Variants in PRKCB observed in about 807,000 individuals in gnomAD.
PRKCB encodes the protein protein kinase C beta type.
In PRKCB, 13 loss-of-function variants were observed where a neutral mutation model predicts 81.5. The observed-to-expected ratio is 0.16, with a 90% CI of 0.10 to 0.25. The LOEUF is 0.25. Among genes scored for constraint, PRKCB ranks in the 10% least tolerant of loss-of-function variants. PRKCB has a pLI of 1.00. For missense variants in PRKCB, 509 were observed against 875.7 expected, an observed-to-expected ratio of 0.58 and a Z score of 5.29; for synonymous variants, 335 against 321.4, an observed-to-expected ratio of 1.04 and a Z score of -0.45.
At chr16:24,089,677 A>G (rs1966352492) in intron 5 of PRKCB, among the ~76,000 whole-genome samples, 1 of 152,024 alleles carries the variant, frequency 6.6e-6, no homozygotes, top group Non-Finnish European at 1.5e-5. Flanking sequence ...TGGAAGGCTG[A>G]GTTGGGAGGA....
At chr16:24,101,875 T>A (rs1048993680) in intron 7 of PRKCB, among the ~76,000 whole-genome samples, 1 of 152,202 alleles carries the variant, frequency 6.6e-6, no homozygotes, top group Non-Finnish European at 1.5e-5. Context: ...AAGCCCAAAA[T>A]ATTACTGCAT....
chr16:24,203,485 C>A (rs1215168103), intron 16 of PRKCB, among the ~76,000 whole-genome samples: 1 of 152,094 alleles, frequency 6.6e-6, no homozygotes, highest in African/African-American at 2.4e-5. Flanking sequence ...AAGTTCCCAC[C>A]TCTCAACACT....
intron 2 of PRKCB, among the ~76,000 whole-genome samples, chr16:23,941,597 T>G (rs900223805): frequency 1.3e-5 from 2 of 152,182 alleles, no homozygotes; most frequent in South Asian, 4.1e-4. Flanking sequence ...ACATTATGAT[T>G]TATTATTAGG....
At chr16:24,182,367 A>T (rs1246266766) in intron 13 of PRKCB, among the ~76,000 whole-genome samples, 1 of 152,198 alleles carries the variant, frequency 6.6e-6, no homozygotes, top group East Asian at 1.9e-4. Flanking sequence ...AAAAAAAATT[A>T]AAAATTCGCC....
intron 5 of PRKCB, among the ~76,000 whole-genome samples, chr16:24,085,510 G>A (rs1473556791): frequency 6.6e-6 from 1 of 152,146 alleles, no homozygotes; most frequent in Non-Finnish European, 1.5e-5. Context: ...TATCATTAGG[G>A]TAGTCATATA....
chr16:23,931,405 C>T (rs1963973043), intron 2 of PRKCB, among the ~76,000 whole-genome samples: 2 of 152,182 alleles, frequency 1.3e-5, no homozygotes, highest in African/African-American at 4.8e-5. Flanking sequence ...GAGCTCACTT[C>T]TGAGGTAGAC....
chr16:23,887,280 G>C (rs927480754), intron 2 of PRKCB, among the ~76,000 whole-genome samples: 3 of 152,160 alleles, frequency 2.0e-5, no homozygotes, highest in Admixed American at 6.5e-5. Context: ...CTGAGGTTTA[G>C]GCAATGAACT....
chr16:23,931,790 C>T (rs142917849), intron 2 of PRKCB, among the ~76,000 whole-genome samples: 1 of 152,270 alleles, frequency 6.6e-6, no homozygotes, highest in East Asian at 1.9e-4. Flanking sequence ...TGTATAGATC[C>T]TTTTAGGATG....
At chr16:23,919,630 T>C (rs1401972353) in intron 2 of PRKCB, among the ~76,000 whole-genome samples, 2 of 152,180 alleles carry the variant, frequency 1.3e-5, no homozygotes, top group African/African-American at 4.8e-5. Flanking sequence ...TCAAAAACTC[T>C]ATCATTTCTC....
intron 16 of PRKCB, among the ~76,000 whole-genome samples, chr16:24,200,053 G>A (rs1264832638): frequency 6.6e-6 from 1 of 152,142 alleles, no homozygotes; most frequent in East Asian, 1.9e-4. Context: ...CATCTTCACA[G>A]CTTTTATAAT....
intron 2 of PRKCB, among the ~76,000 whole-genome samples, chr16:23,902,291 T>C (rs1963486139): frequency 6.6e-6 from 1 of 152,218 alleles, no homozygotes. Context: ...CTTTTAATTT[T>C]TGGAATAATT....
chr16:24,150,901 T>C (rs1967070559), intron 9 of PRKCB, among the ~76,000 whole-genome samples: 1 of 152,214 alleles, frequency 6.6e-6, no homozygotes, highest in South Asian at 2.1e-4. Flanking sequence ...TTTCCGTTAA[T>C]CAGTATAGGG....
In PRKCB at chr16:23,882,023, TTCC is replaced by T. The variant is rs1963127998; in HGVS notation, c.205+44619_205+44621del. 1.6e-4 allele frequency among the ~76,000 whole-genome samples: 15 copies of T among 93,794 alleles called. 1 individual carries two copies. The highest frequency in any genetic ancestry group is 2.2e-4 in the African/African-American group (5 of 23,072). 61.5% of individuals were successfully genotyped at this position (93,794 alleles called of 152,430 possible). ...CTTTCTTTCTTTCTTTCTTTCTTTC[TTCC>T]TTCCTTCCTTCCTTCCTTCCTTCCT... On this transcript the variant is annotated intron_variant, in intron 2 of 16. Coordinates refer to ENST00000643927, the MANE Select transcript of PRKCB (RefSeq NM_002738.7).
At chr16:23,878,928 C>A (rs921272941) in intron 2 of PRKCB, among the ~76,000 whole-genome samples, 1 of 151,994 alleles carries the variant, frequency 6.6e-6, no homozygotes, top group African/African-American at 2.4e-5. Context: ...GTAATCCTAG[C>A]ACTTTGGGAG....
chr16:23,971,428 C>G (rs1344727601), intron 2 of PRKCB, among the ~76,000 whole-genome samples: 1 of 152,044 alleles, frequency 6.6e-6, no homozygotes, highest in Non-Finnish European at 1.5e-5. Flanking sequence ...CCTCTGGGAC[C>G]AGCATTCTCC....
intron 9 of PRKCB, among the ~76,000 whole-genome samples, chr16:24,129,704 T>C (rs1966850488): frequency 7.4e-6 from 1 of 135,124 alleles, no homozygotes; most frequent in African/African-American, 3.0e-5. Context: ...ATCATCTGTC[T>C]ACGTATCATC....
At chr16:24,105,546 T>C (rs1966564835) in intron 7 of PRKCB, among the ~76,000 whole-genome samples, 1 of 151,952 alleles carries the variant, frequency 6.6e-6, no homozygotes, top group South Asian at 2.1e-4. Flanking sequence ...CCTCACCCCC[T>C]AACAGGCCCC....
At chr16:24,026,353 A>G (rs772594543) in intron 3 of PRKCB, among the ~76,000 whole-genome samples, 1 of 152,164 alleles carries the variant, frequency 6.6e-6, no homozygotes, top group African/African-American at 2.4e-5. Flanking sequence ...TTCCCTTCCC[A>G]TTCTTTGTGC....
At chr16:24,001,778 A>G (rs566241109) in intron 3 of PRKCB, among the ~76,000 whole-genome samples, 148 of 152,288 alleles carry the variant, frequency 9.7e-4, no homozygotes, top group African/African-American at 3.3e-3. Flanking sequence ...AGAAGAAATA[A>G]ACCTTTACAA....
Sources: gnomAD v4.1 joint callset for allele counts (sites outside exome capture counted in the v4.1 genomes callset) on GRCh38, gnomAD v4.1.1 for gene constraint, MANE v1.5 for transcripts, NCBI Gene and HGNC (gene_info 2026-07-23, HGNC 2026-07-21) for gene names.